The following HGFAC variants were observed in gnomAD, a reference collection of about 807,000 sequenced individuals.
HGFAC encodes HGF activator.
A neutral mutation model predicts 70.6 loss-of-function variants in HGFAC; 76 were observed. The observed-to-expected ratio is 1.08, with a 90% CI of 0.89 to 1.30. HGFAC has a LOEUF of 1.30. HGFAC is among the 50% of genes most tolerant of loss of function. HGFAC has a pLI of 0.00. For missense variants in HGFAC, 1,044 were observed against 933.7 expected (o/e 1.12, Z -1.54); for synonymous variants, 464 against 405.3 (o/e 1.14, Z -1.74).
At chr4:3,449,215 T>C in intron 13 of HGFAC, 22 bp from the exon 14 acceptor site, 1 of 1,603,780 alleles carries the variant, frequency 6.2e-7, no homozygotes. Context: ...GGAGGGTGGC[T>C]CTGACCAACG....
Position 3,448,188 on chromosome 4 carries a change from A to G in HGFAC, c.1697A>G (p.Lys566Arg), listed in dbSNP as rs114303452. The G allele has an allele frequency of 0.011, 18,450 of 1,605,290 alleles. 215 individuals are homozygous for G. The highest frequency in any genetic ancestry group is 0.022 in the Middle Eastern group (112 of 4,980). The change falls in exon 13 of 14, where the codon AAG (lysine) becomes AGG (arginine). Residue 566 changes from lysine to arginine, a missense_variant. Coordinates refer to ENST00000382774, the MANE Select transcript of HGFAC (RefSeq NM_001528.4). ...EALVPLVADH[K>R]CSSPEVYGAD... ...CTGGTCCCCCTGGTCGCCGACCACA[A>G]GTGCAGCAGCCCTGAGGTCTACGGC...
intron 5 of HGFAC, 37 bp from the exon 6 acceptor site, chr4:3,444,274 G>A: frequency 6.4e-7 from 1 of 1,570,426 alleles, no homozygotes; most frequent in African/African-American, 1.4e-5. Context: ...GGGGACAGCA[G>A]GTGGCAGGGT....
chr4:3,446,007 C>A, intron 9 of HGFAC, 35 bp from the exon 10 acceptor site: 2 of 1,604,370 alleles, frequency 1.2e-6, no homozygotes, highest in Non-Finnish European at 8.5e-7. Context: ...GCCCTGTGAA[C>A]CCCAGGGGTG....
In HGFAC at chr4:3,445,547, A is replaced by G. The variant is rs1018370810; in HGVS notation, c.1102+197A>G. 1.1e-5 allele frequency: 7 copies of G among 614,466 alleles called. No individual in the cohort carries two copies. The African/African-American group carries it at 1.3e-4, about 11-fold the overall frequency. 38.1% of individuals were successfully genotyped at this position (614,466 alleles called of 1,614,324 possible). ...TCACAGTGGGGAAGCAGCCCGCTGC[A>G]GGGGGCTGGTCACCAGGCGACGGCC... On this transcript the variant is annotated intron_variant, in intron 9 of 13. Coordinates refer to ENST00000382774, the MANE Select transcript of HGFAC (RefSeq NM_001528.4).
In HGFAC at chr4:3,443,356, C is replaced by A. The variant is rs1303480250; in HGVS notation, c.411C>A (p.His137Gln). 6.5e-7 allele frequency: 1 copy of A among 1,541,322 alleles called. No homozygotes were observed. The highest frequency in any genetic ancestry group is 8.8e-7 in the Non-Finnish European group (1 of 1,142,536). ...SAHRKWCATT[H>Q]NYDRDRAWGY... ...CGCCCCCCAGGTGTGCCACAACTCACAACTACGACCGGGACAGGGCCTGGG... is the reference window on the plus strand; with the variant it reads ...CGCCCCCCAGGTGTGCCACAACTCAAAACTACGACCGGGACAGGGCCTGGG... The change falls in exon 4 of 14, where the codon CAC (histidine) becomes CAA (glutamine). Residue 137 changes from histidine to glutamine, a missense_variant. Physicochemically the swap from His to Gln is conservative, Grantham distance 24. Coordinates refer to ENST00000382774, the MANE Select transcript of HGFAC (RefSeq NM_001528.4).
Position 3,446,068 on chromosome 4 carries a change from C to T in HGFAC, c.1129C>T (p.Pro377Ser). 6 of 1,609,492 alleles carry T rather than the reference C, an allele frequency of 3.7e-6. No homozygotes were observed. The highest frequency in any genetic ancestry group is 4.2e-6 in the Non-Finnish European group (5 of 1,178,466). ...ATCCCTCACCAGAGTCCAACTGTCA[C>T]CGGATCTCCTGGCGACCCTGCCTGA... ...CESLTRVQLSPDLLATLPEPA... is the reference protein window; with the variant it reads ...CESLTRVQLSSDLLATLPEPA... Residue 377 changes from proline to serine, a missense_variant, in exon 10 of 14, where the codon CCG becomes TCG. Pro to Ser is a moderately conservative substitution (Grantham distance 74, BLOSUM62 -1). Transcript: ENST00000382774.
chr4:3,442,104 C>T lies in HGFAC; in HGVS notation c.103C>T (p.Pro35Ser). ...LLLLLPRGFQPQPGGNRTESP... is the reference protein window; with the variant it reads ...LLLLLPRGFQSQPGGNRTESP... ...GCTGCTGCTGCCACGGGGGTTCCAGCCCCAGCCTGGCGGGGTGAGCACTGA... is the reference window on the plus strand; with the variant it reads ...GCTGCTGCTGCCACGGGGGTTCCAGTCCCAGCCTGGCGGGGTGAGCACTGA... Residue 35 changes from proline (P) to serine (S), a missense_variant, in exon 1 of 14, where the codon CCC becomes TCC. Coordinates refer to ENST00000382774, the MANE Select transcript of HGFAC (RefSeq NM_001528.4). The T allele has an allele frequency of 6.4e-7, 1 of 1,560,820 alleles. No individual in the cohort carries two copies. Among genetic ancestry groups the T allele is most frequent in the Non-Finnish European group, 8.6e-7 (1 of 1,164,714 alleles).
chr4:3,445,440 C>A, intron 9 of HGFAC, 90 bp downstream of exon 9: 1 of 881,276 alleles, frequency 1.1e-6, no homozygotes, highest in Non-Finnish European at 1.8e-6. Context: ...GCACACCTGG[C>A]TACTGCATCT....
rs1395516515 is a variant in HGFAC at position 3,447,614 on chromosome 4, C to T, written c.1478C>T (p.Pro493Leu). The stretch of plus-strand genomic sequence containing the variant: ...TACACCCTGTACTCGGTGTTCAACC[C>T]CAGCGACCACGACCTCGGTGAGCTC... ...IPYTLYSVFN[P>L]SDHDLVLIRL... The change falls in exon 11 of 14, where the codon CCC becomes CTC. Residue 493 changes from proline to leucine, a missense_variant. Transcript: ENST00000382774. 3 of 1,612,514 alleles carry T rather than the reference C, an allele frequency of 1.9e-6. No homozygotes were observed. Among genetic ancestry groups the T allele is most frequent in the South Asian group, 2.2e-5 (2 of 91,056 alleles).
chr4:3,443,411 G>C lies in HGFAC; in HGVS notation c.466G>C (p.Gly156Arg). 1 of 1,474,220 alleles carries C rather than the reference G, an allele frequency of 6.8e-7. No individual in the cohort carries two copies. The highest frequency in any genetic ancestry group is 9.0e-7 in the Non-Finnish European group (1 of 1,110,014). 91.3% of individuals were successfully genotyped at this position (1,474,220 alleles called of 1,614,324 possible). Residue 156 changes from glycine (G) to arginine (R), a missense_variant, in exon 4 of 14, where the codon GGG (glycine) becomes CGG (arginine). By Grantham distance (125) the Gly-to-Arg change is moderately radical. Coordinates refer to ENST00000382774, the MANE Select transcript of HGFAC (RefSeq NM_001528.4). ...GYCVEATPPP[G>R]GPAALDPCAS... ...CTGTGTGGAGGCCACCCCGCCTCCA[G>C]GGGGCCCAGGTGGGTGCTGGGTTGG...
chr4:3,444,472 G>A, intron 6 of HGFAC, 30 bp downstream of exon 6: 1 of 1,559,270 alleles, frequency 6.4e-7, no homozygotes, highest in Non-Finnish European at 8.7e-7. Flanking sequence ...CCGTGCCACT[G>A]ACCCCTGACG....
Position 3,444,710 on chromosome 4 carries a change from T to TC in HGFAC, c.819dup (p.Ala274ArgfsTer10), listed in dbSNP as rs750692360. 6.3e-7 allele frequency: 1 copy of TC among 1,596,004 alleles called. No homozygotes were observed. The highest frequency in any genetic ancestry group is 1.1e-5 in the South Asian group (1 of 89,888). On this transcript the variant is annotated frameshift_variant, in exon 7 of 14. Transcript: ENST00000382774. LOFTEE classifies it high-confidence loss of function. ...ACCGTGTGTGCCTGCCCACCAGGCT[T>TC]CGCTGGACGGCTCTGCAACATCGGT...
rs754623818 is a variant in HGFAC at position 3,444,956 on chromosome 4, G to T, written c.979G>T (p.Ala327Ser). 1 of 1,605,688 alleles carries T rather than the reference G, an allele frequency of 6.2e-7. No individual in the cohort carries two copies. The change falls in exon 8 of 14, where the codon GCG becomes TCG. Residue 327 changes from alanine to serine, a missense_variant. Physicochemically the swap from Ala to Ser is moderately conservative, Grantham distance 99. Coordinates refer to ENST00000382774, the MANE Select transcript of HGFAC (RefSeq NM_001528.4). ...GCTGCACGTGGACTCCGTGGGCGCCGCGGCCCTGCTGGGCCTGGGCCCCCA... is the reference window on the plus strand; with the variant it reads ...GCTGCACGTGGACTCCGTGGGCGCCTCGGCCCTGCTGGGCCTGGGCCCCCA... ...QELHVDSVGA[A>S]ALLGLGPHAY...
Position 3,449,339 on chromosome 4 carries a change from G to A in HGFAC, c.1888G>A (p.Val630Ile). 6.2e-7 allele frequency: 1 copy of A among 1,611,252 alleles called. No individual in the cohort carries two copies. The highest frequency in any genetic ancestry group is 8.5e-7 in the Non-Finnish European group (1 of 1,179,118). ...DGCGRLHKPG[V>I]YTRVANYVDW... is the part of the protein sequence containing the mutation. ...CTGCGGGCGGCTCCACAAGCCGGGG[G>A]TCTACACCCGCGTGGCCAACTATGT... The change falls in exon 14 of 14, where the codon GTC becomes ATC. Residue 630 changes from valine (V) to isoleucine (I), a missense_variant. Coordinates refer to ENST00000382774, the MANE Select transcript of HGFAC (RefSeq NM_001528.4).
intron 8 of HGFAC, 110 bp from the exon 9 acceptor site, chr4:3,445,155 C>T (rs1180949985): frequency 4.6e-6 from 6 of 1,293,316 alleles, no homozygotes; most frequent in Non-Finnish European, 6.5e-6. Context: ...ACTCTCTTCC[C>T]ACTGCTCCAG....
chr4:3,442,845 AC>A lies in HGFAC; in HGVS notation c.235del (p.Gln79LysfsTer168). The A allele has an allele frequency of 6.3e-7, 1 of 1,587,690 alleles. No individual in the cohort carries two copies. The highest frequency in any genetic ancestry group is 1.1e-5 in the South Asian group (1 of 87,942). On this transcript the variant is annotated frameshift_variant, in exon 2 of 14. Transcript: ENST00000382774. LOFTEE classifies it high-confidence loss of function. ...CAACAAGTGCTCCAGAGGCAGAGGG[AC>A]CCCAAAGTGGGGGGCTCCCGCCCCC... The part of the protein sequence containing the change: ...PATSAPEAEG[P>X]QSGGLPPPPR...
In HGFAC at chr4:3,442,863, C is replaced by A; in HGVS notation, c.249C>A (p.Leu83=). 6.4e-7 allele frequency: 1 copy of A among 1,572,426 alleles called. No individual in the cohort carries two copies. The highest frequency in any genetic ancestry group is 1.4e-5 in the African/African-American group (1 of 72,732). The change falls in exon 2 of 14, where the codon CTC becomes CTA. Residue 83 remains leucine, a synonymous_variant. Coordinates refer to ENST00000382774, the MANE Select transcript of HGFAC (RefSeq NM_001528.4). ...CAGAGGGACCCCAAAGTGGGGGGCT[C>A]CCGCCCCCGCCCAGGGCAGTTCCCT... ...PEAEGPQSGG[L]PPPPRAVPSS... is the part of the protein sequence containing the mutation.
Position 3,442,008 on chromosome 4 carries a change from C to CGCTGGGGCTGG in HGFAC, c.13_14insGCTGGGCTGGG (p.Ala5GlyfsTer60). 1 of 1,496,180 alleles carries CGCTGGGGCTGG rather than the reference C, an allele frequency of 6.7e-7. No homozygotes were observed. 92.7% of individuals were successfully genotyped at this position (1,496,180 alleles called of 1,614,324 possible). On this transcript the variant is annotated frameshift_variant, in exon 1 of 14. Transcript: ENST00000382774. LOFTEE classifies it high-confidence loss of function. ...TCAGGCCAGCTCAGGAGCCATGGGG[C>CGCTGGGGCTGG]GCTGGGCCTGGGTCCCCAGCCCCTG... is the stretch of plus-strand genomic sequence containing the variant.
chr4:3,444,404 TC>T lies in HGFAC; in HGVS notation c.693del (p.Phe231LeufsTer16), dbSNP rs111368413. The part of the protein sequence containing the change: ...RQGHVEQCEC[F>X]GGRTWCEGTR... ...GGCCACGTGGAACAGTGCGAGTGCT[TC>T]GGGGGCCGGACCTGGTGCGAAGGCA... On this transcript the variant is annotated frameshift_variant, in exon 6 of 14. Coordinates refer to ENST00000382774, the MANE Select transcript of HGFAC (RefSeq NM_001528.4). LOFTEE classifies it high-confidence loss of function. The T allele has an allele frequency of 6.2e-7, 1 of 1,605,110 alleles. No individual in the cohort carries two copies. The highest frequency in any genetic ancestry group is 8.5e-7 in the Non-Finnish European group (1 of 1,177,148).
Sources: allele counts gnomAD v4.1 joint callset, GRCh38; gene constraint gnomAD v4.1.1; transcripts MANE v1.5; gene names NCBI Gene and HGNC (gene_info 2026-07-23, HGNC 2026-07-21).